The following CAMK2B variants were observed in gnomAD, a reference collection of about 807,000 sequenced individuals.
CAMK2B encodes the protein calcium/calmodulin dependent protein kinase II beta, also known as calcium/calmodulin-dependent protein kinase type II subunit beta.
CAMK2B carries 27 observed loss-of-function variants against 93.7 expected under a neutral mutation model. The observed-to-expected ratio is 0.29, with a 90% CI of 0.21 to 0.40. CAMK2B has a LOEUF of 0.40. CAMK2B is among the 10% of genes least tolerant of loss of function. The pLI is 1.00. For synonymous variants in CAMK2B, 374 were observed against 358.8 expected, an observed-to-expected ratio of 1.04 and a Z score of -0.48; for missense variants, 568 against 895.8, an observed-to-expected ratio of 0.63 and a Z score of 4.67.
At chr7:44,284,565 C>T (rs1784564927) in intron 1 of CAMK2B, among the ~76,000 whole-genome samples, 1 of 152,234 alleles carries the variant, frequency 6.6e-6, no homozygotes, top group South Asian at 2.1e-4. Flanking sequence ...GTGTGACCTA[C>T]AGGCCTGTAT....
chr7:44,234,612 C>A, intron 14 of CAMK2B, 27 bp downstream of exon 14: 1 of 1,613,386 alleles, frequency 6.2e-7, no homozygotes, highest in Non-Finnish European at 8.5e-7. Flanking sequence ...GGCTCCCCGG[C>A]ACCACAGGGC....
chr7:44,251,635 G>A (rs775583628), intron 5 of CAMK2B, among the ~76,000 whole-genome samples: 1 of 152,160 alleles, frequency 6.6e-6, no homozygotes, highest in East Asian at 1.9e-4. Flanking sequence ...GTGCCCCCTC[G>A]CTCCCCACAG....
At chr7:44,236,474 C>G (rs2096627341) in intron 13 of CAMK2B, among the ~76,000 whole-genome samples, 1 of 152,248 alleles carries the variant, frequency 6.6e-6, no homozygotes, top group Non-Finnish European at 1.5e-5. Context: ...GCCTAAGGCC[C>G]CTCCTGGTGA....
At chr7:44,243,856 A>C (rs2096705465) in intron 6 of CAMK2B, among the ~76,000 whole-genome samples, 1 of 152,150 alleles carries the variant, frequency 6.6e-6, no homozygotes, top group Non-Finnish European at 1.5e-5. Context: ...CAAAACCTCA[A>C]GCTCATCCTT....
At chr7:44,260,340 G>A (rs562620986) in intron 3 of CAMK2B, among the ~76,000 whole-genome samples, 1 of 152,180 alleles carries the variant, frequency 6.6e-6, no homozygotes, top group African/African-American at 2.4e-5. Context: ...TGGCTTCTGG[G>A]GCCTAGGCCT....
chr7:44,267,168 AG>A (rs2096928230), intron 2 of CAMK2B: 1 of 152,222 alleles, frequency 6.6e-6, no homozygotes, highest in Non-Finnish European at 1.5e-5. Flanking sequence ...CCCCATCAAG[AG>A]GAGACCCCTC....
In CAMK2B at chr7:44,242,418, T is replaced by C; in HGVS notation, c.697-78A>G. ...GGCAAGAATTCTCCAAGGGGCTTCA[T>C]CTCCAGCCACGAATCTGGGAGAGCA... is the stretch of plus-strand genomic sequence containing the variant. On this transcript the variant is annotated intron_variant, in intron 9 of 23. Transcript: ENST00000395749. 3 of 1,567,932 alleles carry C rather than the reference T, an allele frequency of 1.9e-6. No homozygotes were observed. The South Asian group carries it at 3.5e-5, about 19-fold the overall frequency.
At chr7:44,308,918 C>T (rs539126849) in intron 1 of CAMK2B, among the ~76,000 whole-genome samples, 6 of 152,154 alleles carry the variant, frequency 3.9e-5, no homozygotes, top group Non-Finnish European at 5.9e-5. Flanking sequence ...TGCCTGCCAG[C>T]CGGAAGGCCC....
chr7:44,247,247 A>C (rs1171077542), intron 5 of CAMK2B, 55 bp from the exon 6 acceptor site: 3 of 1,464,652 alleles, frequency 2.0e-6, no homozygotes, highest in African/African-American at 2.8e-5. Flanking sequence ...CAGCAAGAGG[A>C]GGCACTGGGG....
chr7:44,325,346 G>A lies in CAMK2B; in HGVS notation c.65+11C>T. On this transcript the variant is annotated intron_variant, in intron 1 of 23. Coordinates refer to ENST00000395749, the MANE Select transcript of CAMK2B (RefSeq NM_001220.5). ...GTCCCCGGCCCAGCCCGCGCGCGCC[G>A]CTGCTCTTACTTGCCAATATCCTCG... The A allele has an allele frequency of 8.0e-7, 1 of 1,242,372 alleles. No homozygotes were observed. Among genetic ancestry groups the A allele is most frequent in the Non-Finnish European group, 1.0e-6 (1 of 963,282 alleles). 77.0% of individuals were successfully genotyped at this position (1,242,372 alleles called of 1,614,324 possible).
intron 20 of CAMK2B, among the ~76,000 whole-genome samples, chr7:44,221,587 C>T (rs2096407514): frequency 6.6e-6 from 1 of 152,250 alleles, no homozygotes; most frequent in African/African-American, 2.4e-5. Context: ...CCCCGCTTTT[C>T]TCATAGGAGC....
upstream of CAMK2B, chr7:44,325,923 C>T (rs952092927): frequency 6.6e-6 from 1 of 150,922 alleles, no homozygotes; most frequent in African/African-American, 2.5e-5. Flanking sequence ...TCTACCCGCA[C>T]CACGCCCGCA....
chr7:44,234,068 T>G (rs898338526), intron 15 of CAMK2B, among the ~76,000 whole-genome samples: 9 of 152,094 alleles, frequency 5.9e-5, no homozygotes, highest in Non-Finnish European at 1.3e-4. Context: ...CTCACTGACT[T>G]CCTGAACACT....
rs1219553351 is a variant in CAMK2B, at chr7:44,220,409, C to T, written c.1769-115G>A. On this transcript the variant is annotated intron_variant, in intron 22 of 23. Transcript: ENST00000395749. ...CTCAACTCCCCTTATTGGGGAGGCT[C>T]GGCTCTCCTGGGAGCAGCATGGGCC... 1.8e-5 allele frequency: 17 copies of T among 929,088 alleles called. No individual in the cohort carries two copies. The East Asian group carries it at 2.6e-4, about 14-fold the overall frequency. The allele number at this position is 929,088 out of a possible 1,614,324, so 57.6% of individuals were successfully genotyped here. A position where few individuals can be genotyped will look rare whatever the true frequency, so the allele number is the denominator to read the frequency against.
chr7:44,246,861 TGCACACACATAAGCATGCAC>T (rs2096736076), intron 6 of CAMK2B, among the ~76,000 whole-genome samples: 1 of 151,698 alleles, frequency 6.6e-6, no homozygotes, highest in Admixed American at 6.6e-5. Context: ...TACATACAGG[TGCACACACATAAGCATGCAC>T]ACATGCCTCC....
rs1343722033 is a variant in CAMK2B at position 44,225,130 on chromosome 7, C to G, written c.1597+1386G>C. On this transcript the variant is annotated intron_variant, in intron 20 of 23. Coordinates refer to ENST00000395749, the MANE Select transcript of CAMK2B (RefSeq NM_001220.5). This position sits in a 1 kb window ranked among gnomAD's most constrained non-coding sequence, Gnocchi z 5.0. ...GACACCGAGCCCCGAGCTGGCCACTCCACACCCACCCTGGGCCCTGTCCTC... is the reference window on the plus strand; with the variant it reads ...GACACCGAGCCCCGAGCTGGCCACTGCACACCCACCCTGGGCCCTGTCCTC... 6.6e-6 allele frequency among the ~76,000 whole-genome samples: 1 copy of G among 152,134 alleles called. No individual in the cohort carries two copies.
chr7:44,315,568 T>A (rs1794658722), intron 1 of CAMK2B, among the ~76,000 whole-genome samples: 1 of 152,220 alleles, frequency 6.6e-6, no homozygotes, highest in South Asian at 2.1e-4. Flanking sequence ...GTCTCTTGCA[T>A]TCCTATGTGA....
At chr7:44,304,302 T>C (rs1307253509) in intron 1 of CAMK2B, among the ~76,000 whole-genome samples, 1 of 152,206 alleles carries the variant, frequency 6.6e-6, no homozygotes, top group African/African-American at 2.4e-5. Context: ...CGGATGTTTA[T>C]TGCACCTTTA....
intron 2 of CAMK2B, among the ~76,000 whole-genome samples, chr7:44,283,887 C>G (rs1400692297): frequency 6.6e-6 from 1 of 152,224 alleles, no homozygotes; most frequent in African/African-American, 2.4e-5. Flanking sequence ...GGTCCCTTGG[C>G]ACCCCCACCA....
Sources: allele counts gnomAD v4.1 joint callset (sites outside exome capture counted in the v4.1 genomes callset), GRCh38; gene constraint gnomAD v4.1.1; non-coding constraint Gnocchi (gnomAD v3.1); transcripts MANE v1.5; gene names NCBI Gene and HGNC (gene_info 2026-07-23, HGNC 2026-07-21).